The following SMAD3 variants were observed in gnomAD, a reference collection of about 807,000 sequenced individuals.
SMAD3 encodes SMAD family member 3.
In SMAD3, 12 loss-of-function variants were observed where a neutral mutation model predicts 51.8. The ratio of observed to expected loss-of-function variants is 0.23; its 90% CI spans 0.15 to 0.38. The LOEUF (loss-of-function observed/expected upper bound fraction) is 0.38, where lower values mean the gene tolerates loss of function less well. Among genes scored for constraint, SMAD3 ranks in the 10% least tolerant of loss-of-function variants. The probability of loss-of-function intolerance (pLI) is 1.00; values close to 1 mark genes in which losing one functional copy is unlikely to be tolerated. For synonymous variants in SMAD3, 238 were observed against 227.7 expected, an observed-to-expected ratio of 1.05 and a Z score of -0.41; for missense variants, 294 against 565.6, an observed-to-expected ratio of 0.52 and a Z score of 4.87.
At chr15:67,133,752 A>G (rs1961585746) in intron 1 of SMAD3, among the ~76,000 whole-genome samples, 1 of 152,188 alleles carries the variant, frequency 6.6e-6, no homozygotes, top group Admixed American at 6.5e-5. Context: ...ATTCCCCAGA[A>G]GAGAGCACTT....
chr15:67,181,190 G>T (rs763092015), intron 5 of SMAD3, 51 bp from the exon 6 acceptor site: 7 of 1,392,422 alleles, frequency 5.0e-6, no homozygotes, highest in East Asian at 4.6e-5. Context: ...CATCGAGGGA[G>T]CATGGGGCTT....
At chr15:67,154,031 C>G (rs1962218382) in intron 1 of SMAD3, among the ~76,000 whole-genome samples, 1 of 152,198 alleles carries the variant, frequency 6.6e-6, no homozygotes, top group African/African-American at 2.4e-5. Context: ...CTTGGCTTCC[C>G]CCTCCAAGGA....
At chr15:67,173,610 C>G (rs1402861173) in intron 5 of SMAD3, among the ~76,000 whole-genome samples, 1 of 152,160 alleles carries the variant, frequency 6.6e-6, no homozygotes, top group Non-Finnish European at 1.5e-5. Flanking sequence ...TTAGCGCCCT[C>G]TTGCCTATAG....
chr15:67,144,910 G>C (rs954909043), intron 1 of SMAD3, among the ~76,000 whole-genome samples: 2 of 152,094 alleles, frequency 1.3e-5, no homozygotes, highest in Non-Finnish European at 2.9e-5. Context: ...AGAGGATTGC[G>C]TGATGGGGGC....
At chr15:67,181,481 C>G (rs768587065) in intron 6 of SMAD3, 28 bp downstream of exon 6, 11 of 1,505,070 alleles carry the variant, frequency 7.3e-6, no homozygotes, top group African/African-American at 5.7e-5. Flanking sequence ...TCCCCGCCCC[C>G]CCACCCTGCC....
chr15:67,176,639 T>C (rs755518240), intron 5 of SMAD3, among the ~76,000 whole-genome samples: 10 of 152,230 alleles, frequency 6.6e-5, no homozygotes, highest in Non-Finnish European at 7.3e-5. Context: ...TGTTTTCTTT[T>C]TCTTAAACAT....
chr15:67,137,632 G>T (rs1188125060), intron 1 of SMAD3, among the ~76,000 whole-genome samples: 1 of 152,118 alleles, frequency 6.6e-6, no homozygotes, highest in Admixed American at 6.6e-5. Flanking sequence ...TTTTTTCAGG[G>T]TCAGTTTTTA....
Position 67,191,151 on chromosome 15 carries a change from AT to A in SMAD3, c.*617del, listed in dbSNP as rs1167512505. On this transcript the variant is annotated 3_prime_UTR_variant, in exon 9 of 9. Coordinates refer to ENST00000327367, the MANE Select transcript of SMAD3 (RefSeq NM_005902.4). ...CTCCCTCCCCTCTCAGAACATACTG[AT>A]TGGGAGGTGCGTGTTCAGCAGAACC... is the stretch of plus-strand genomic sequence containing the variant. 1 of 231,406 alleles carries A rather than the reference AT, an allele frequency of 4.3e-6. No homozygotes were observed. Among genetic ancestry groups the A allele is most frequent in the East Asian group, 6.1e-5 (1 of 16,492 alleles). The allele number at this position is 231,406 out of a possible 1,614,324, so 14.3% of individuals were successfully genotyped here.
intron 1 of SMAD3, chr15:67,098,808 G>A (rs574163994): frequency 6.9e-5 from 48 of 691,256 alleles, no homozygotes; most frequent in Non-Finnish European, 1.2e-4. Context: ...CGCATCCCCA[G>A]CGGGGGTCTG....
At chr15:67,100,450 C>A (rs1960725910) in intron 1 of SMAD3, among the ~76,000 whole-genome samples, 1 of 151,802 alleles carries the variant, frequency 6.6e-6, no homozygotes, top group Non-Finnish European at 1.5e-5. Flanking sequence ...GGTGGTTGTA[C>A]AATATTGTGA....
chr15:67,092,996 G>A (rs1205419101), intron 1 of SMAD3, among the ~76,000 whole-genome samples: 4 of 152,176 alleles, frequency 2.6e-5, no homozygotes, highest in East Asian at 3.8e-4. Context: ...TAGGAGGCTT[G>A]TAGCCTGCTT....
chr15:67,187,593 A>C, intron 8 of SMAD3, 84 bp downstream of exon 8: 1 of 1,528,778 alleles, frequency 6.5e-7, no homozygotes, highest in Non-Finnish European at 9.1e-7. Context: ...CTCAGAGATG[A>C]GCTAGGCCAG....
intron 6 of SMAD3, among the ~76,000 whole-genome samples, chr15:67,184,038 G>A (rs1054656372): frequency 1.1e-4 from 16 of 151,674 alleles, no homozygotes; most frequent in African/African-American, 3.2e-4. Context: ...AAGAAAAGCT[G>A]ACACCAGGCA....
intron 1 of SMAD3, among the ~76,000 whole-genome samples, chr15:67,102,867 T>A (rs1210707166): frequency 1.3e-5 from 2 of 152,194 alleles, no homozygotes; most frequent in African/African-American, 4.8e-5. Flanking sequence ...TCATAGCTCC[T>A]CTTCAATGTG....
At chr15:67,154,930 C>T (rs1025461621) in intron 1 of SMAD3, among the ~76,000 whole-genome samples, 9 of 152,166 alleles carry the variant, frequency 5.9e-5, no homozygotes, top group African/African-American at 1.4e-4. Context: ...GGCAAGTAGA[C>T]GCACATGTGT....
intron 6 of SMAD3, among the ~76,000 whole-genome samples, chr15:67,183,021 ATATATATATATTTTTT>A (rs1299362166): frequency 6.8e-5 from 5 of 73,378 alleles, no homozygotes; most frequent in Non-Finnish European, 1.2e-4. Flanking sequence ...ATATATATAT[ATATATATATATTTTTT>A]TTTTTTTTTT....
rs890782529 is a variant in SMAD3 at position 67,065,849 on chromosome 15, G to A, written c.-306G>A. Reference sequence around the variant, plus strand: ...GAAACCCAAACTTCTGCTGCCACTTGGAGTCTCGCGGCCGCCGCCTCCGCC... The same window carrying A: ...GAAACCCAAACTTCTGCTGCCACTTAGAGTCTCGCGGCCGCCGCCTCCGCC... On this transcript the variant is annotated 5_prime_UTR_variant, in exon 1 of 9. Coordinates refer to ENST00000327367, the MANE Select transcript of SMAD3 (RefSeq NM_005902.4). The A allele has an allele frequency of 3.2e-5, 7 of 216,510 alleles. No homozygotes were observed. The highest frequency in any genetic ancestry group is 5.6e-5 in the Non-Finnish European group (6 of 107,624). The allele number at this position is 216,510 out of a possible 1,614,324, so 13.4% of individuals were successfully genotyped here.
At chr15:67,182,538 G>T (rs1963087103) in intron 6 of SMAD3, among the ~76,000 whole-genome samples, 1 of 152,136 alleles carries the variant, frequency 6.6e-6, no homozygotes, top group East Asian at 1.9e-4. Flanking sequence ...CGTGAACCAG[G>T]GCACCTCTGC....
intron 6 of SMAD3, among the ~76,000 whole-genome samples, chr15:67,183,032 T>TATATATATATATAAATATA (rs59673693): frequency 3.2e-5 from 1 of 31,032 alleles, no homozygotes; most frequent in Admixed American, 4.3e-4. Context: ...TATATATATA[T>TATATATATATATAAATATA]TTTTTTTTTT....
Sources: gnomAD v4.1 joint callset for allele counts (sites outside exome capture counted in the v4.1 genomes callset) on GRCh38, gnomAD v4.1.1 for gene constraint, MANE v1.5 for transcripts, NCBI Gene and HGNC (gene_info 2026-07-23, HGNC 2026-07-21) for gene names.